ZNF467: variants seen among roughly 807,000 people sequenced by gnomAD.
ZNF467 encodes the protein zinc finger protein EZI.
ZNF467 carries 51 observed loss-of-function variants against 47.8 expected under a neutral mutation model. The ratio of observed to expected loss-of-function variants is 1.07; its 90% CI spans 0.85 to 1.35. ZNF467 has a LOEUF of 1.35. Ranked by LOEUF, ZNF467 falls within the 40% of genes most tolerant of loss-of-function variation. The pLI, the probability that ZNF467 is intolerant of heterozygous loss-of-function variation, is 0.00. For missense variants in ZNF467, 992 were observed against 858.1 expected (o/e 1.16, Z -1.95); for synonymous variants, 416 against 372.9 (o/e 1.12, Z -1.33).
In ZNF467 at chr7:149,770,565, G is replaced by C. The variant is rs1452494542; in HGVS notation, c.35-9C>G. 1.2e-6 allele frequency: 2 copies of C among 1,608,508 alleles called. No individual in the cohort carries two copies. Reference sequence around the variant, plus strand: ...CTGTCCCACAGAGAATCCTGTTACAGGCAGAAGGATGGGTCCAAGTAAAGC... The same window carrying C: ...CTGTCCCACAGAGAATCCTGTTACACGCAGAAGGATGGGTCCAAGTAAAGC... On this transcript the variant is annotated splice_polypyrimidine_tract_variant and intron_variant, in intron 2 of 4. Transcript: ENST00000302017.
intron 4 of ZNF467, among the ~76,000 whole-genome samples, chr7:149,768,133 A>G (rs1585951007): frequency 6.6e-6 from 1 of 152,178 alleles, no homozygotes; most frequent in Non-Finnish European, 1.5e-5. Context: ...CTCCTATAGC[A>G]CTTACTGTTA....
chr7:149,765,011 G>C lies in ZNF467; in HGVS notation c.1491C>G (p.Ser497Arg). The C allele has an allele frequency of 1.9e-6, 3 of 1,582,420 alleles. No homozygotes were observed. The highest frequency in any genetic ancestry group is 2.6e-6 in the Non-Finnish European group (3 of 1,170,040). The change falls in exon 5 of 5, where the codon AGC becomes AGG. Residue 497 changes from serine (S) to arginine (R), a missense_variant. Ser to Arg is a moderately radical substitution (Grantham distance 110). Transcript: ENST00000302017. ...GGTGGCGGCCCAGGTGCGACTTGCGGCTGAAGCGGCGGCCGCACTGAGCGC... is the reference window on the plus strand; with the variant it reads ...GGTGGCGGCCCAGGTGCGACTTGCGCCTGAAGCGGCGGCCGCACTGAGCGC... ...FACAQCGRRF[S>R]RKSHLGRHQA...
Position 149,765,387 on chromosome 7 carries a change from G to C in ZNF467, c.1115C>G (p.Thr372Arg), listed in dbSNP as rs1799152219. The C allele has an allele frequency of 1.9e-6, 3 of 1,566,980 alleles. No homozygotes were observed. Among genetic ancestry groups the C allele is most frequent in the African/African-American group, 2.7e-5 (2 of 74,036 alleles). ...CTCGCTGCGGTGCAGACACTGGTGC[G>C]TGGCGAGGTTCTTTTTCCAGCCGAA... ...LSFGWKKNLA[T>R]HQCLHRSEGR... is the part of the protein sequence containing the mutation. Residue 372 changes from threonine to arginine, a missense_variant, in exon 5 of 5, where the codon ACG (threonine) becomes AGG (arginine). Physicochemically the swap from Thr to Arg is moderately conservative, Grantham distance 71 (BLOSUM62 -1). Coordinates refer to ENST00000302017, the MANE Select transcript of ZNF467 (RefSeq NM_207336.3).
At position 149,765,282 on chromosome 7, in the gene ZNF467, G is replaced by A. The variant is rs1438300274; in HGVS notation, c.1220C>T (p.Pro407Leu). The change falls in exon 5 of 5, where the codon CCT (proline) becomes CTT (leucine). Residue 407 changes from proline (P) to leucine (L), a missense_variant. Coordinates refer to ENST00000302017, the MANE Select transcript of ZNF467 (RefSeq NM_207336.3). ...APAAKPLASA[P>L]GGPGCGPGSD... ...TCCTGGGCCGCAGCCCGGTCCGCCA[G>A]GCGCGCTGGCCAGGGGCTTGGCGGC... is the stretch of plus-strand genomic sequence containing the variant. The A allele has an allele frequency of 2.1e-5, 31 of 1,461,678 alleles. No homozygotes were observed. Among genetic ancestry groups the A allele is most frequent in the Non-Finnish European group, 2.6e-5 (29 of 1,106,458 alleles). The allele number at this position is 1,461,678 out of a possible 1,614,324, so 90.5% of individuals were successfully genotyped here.
Position 149,766,132 on chromosome 7 carries a change from C to A in ZNF467, c.370G>T (p.Ala124Ser). The A allele has an allele frequency of 6.2e-7, 1 of 1,604,258 alleles. No homozygotes were observed. Among genetic ancestry groups the A allele is most frequent in the Non-Finnish European group, 8.5e-7 (1 of 1,173,602 alleles). ...GCAGCCAGATGCCCCAGGTCAGGCG[C>A]GGGAAAGGGGCTGGGAAGTAACGAT... ...HLSLLPSPFP[A>S]PDLGHLAAAY... Residue 124 changes from alanine to serine, a missense_variant, in exon 5 of 5, where the codon GCG becomes TCG. Ala to Ser is a moderately conservative substitution (Grantham distance 99). Coordinates refer to ENST00000302017, the MANE Select transcript of ZNF467 (RefSeq NM_207336.3).
In ZNF467 at chr7:149,764,689, G is replaced by A. The variant is rs566991532; in HGVS notation, c.*25C>T. 2.2e-4 allele frequency: 347 copies of A among 1,582,902 alleles called. 4 individuals carry two copies. In the South Asian group the frequency reaches 2.6e-3, roughly 12 times the overall value. On this transcript the variant is annotated 3_prime_UTR_variant, in exon 5 of 5. Coordinates refer to ENST00000302017, the MANE Select transcript of ZNF467 (RefSeq NM_207336.3). ...ACGGGCCTCTCGAAACTGTGGGCAA[G>A]AAAGGGTCCTCGTGAGAACTAGGCT...
At position 149,765,983 on chromosome 7, in the gene ZNF467, C is replaced by T. The variant is rs1165033226; in HGVS notation, c.519G>A (p.Leu173=). The T allele has an allele frequency of 6.4e-7, 1 of 1,556,254 alleles. No homozygotes were observed. Residue 173 remains leucine (L), a synonymous_variant, in exon 5 of 5, where the codon CTG becomes CTA. Transcript: ENST00000302017. ...GECERRFRDQ[L]TLRLHQRLHR... is the part of the protein sequence containing the mutation. ...GCAGCCGCTGGTGCAGTCGCAACGT[C>T]AGCTGGTCCCGGAAGCGCCGCTCAC...
chr7:149,766,076 C>T lies in ZNF467; in HGVS notation c.426G>A (p.Gly142=), dbSNP rs1799209009. 11 of 1,609,810 alleles carry T rather than the reference C, an allele frequency of 6.8e-6. No individual in the cohort carries two copies. The highest frequency in any genetic ancestry group is 2.2e-5 in the East Asian group (1 of 44,790). The change falls in exon 5 of 5, where the codon GGG becomes GGA. Residue 142 remains glycine (G), a synonymous_variant. Coordinates refer to ENST00000302017, the MANE Select transcript of ZNF467 (RefSeq NM_207336.3). ...CAGACAGCGCGAGCCCACTCAGTGC[C>T]CCCGGGGCCCCTGGCTCCAGTTTGT... is the stretch of plus-strand genomic sequence containing the variant. ...AAYKLEPGAP[G]ALSGLALSGW... is the part of the protein sequence containing the mutation.
Position 149,764,303 on chromosome 7 carries a change from G to GGC in ZNF467, c.*410_*411insGC. 2 of 505,042 alleles carry GGC rather than the reference G, an allele frequency of 4.0e-6. No homozygotes were observed. Among genetic ancestry groups the GGC allele is most frequent in the South Asian group, 6.4e-5 (2 of 31,158 alleles). 31.3% of individuals were successfully genotyped at this position (505,042 alleles called of 1,614,324 possible). A position where few individuals can be genotyped will look rare whatever the true frequency, so the allele number is the denominator to read the frequency against. ...GGTGGTCTGTGTGTGGATGGAGGTG[G>GGC]GACAGTGGCTAAGGAGAGTCAGGTG... On this transcript the variant is annotated 3_prime_UTR_variant, in exon 5 of 5. Coordinates refer to ENST00000302017, the MANE Select transcript of ZNF467 (RefSeq NM_207336.3).
Position 149,765,172 on chromosome 7 carries a change from G to T in ZNF467, c.1330C>A (p.Gln444Lys). 6.6e-7 allele frequency: 1 copy of T among 1,504,544 alleles called. No individual in the cohort carries two copies. Among genetic ancestry groups the T allele is most frequent in the Non-Finnish European group, 8.8e-7 (1 of 1,131,018 alleles). 93.2% of individuals were successfully genotyped at this position (1,504,544 alleles called of 1,614,324 possible). The change falls in exon 5 of 5, where the codon CAG (glutamine) becomes AAG (lysine). Residue 444 changes from glutamine to lysine, a missense_variant. Coordinates refer to ENST00000302017, the MANE Select transcript of ZNF467 (RefSeq NM_207336.3). ...PDCGRGFSHG[Q>K]HLARHPRVHT... ...ACGCGCGGGTGCCGCGCCAGGTGCT[G>T]CCCATGGGAGAAGCCGCGCCCGCAG...
In ZNF467 at chr7:149,770,622, G is replaced by A. The variant is rs1799373352; in HGVS notation, c.35-66C>T. 3.6e-6 allele frequency: 5 copies of A among 1,397,140 alleles called. No individual in the cohort carries two copies. The African/African-American group carries it at 4.3e-5, about 12-fold the overall frequency. The allele number at this position is 1,397,140 out of a possible 1,614,324, so 86.5% of individuals were successfully genotyped here. A position where few individuals can be genotyped will look rare whatever the true frequency, so the allele number is the denominator to read the frequency against. The stretch of plus-strand genomic sequence containing the variant: ...TACAGAACAAGTAATCAGAGGCGGG[G>A]GCTGTTCCCCTTCCCAGCCTGCCCA... On this transcript the variant is annotated intron_variant, in intron 2 of 4. Transcript: ENST00000302017.
Position 149,769,131 on chromosome 7 carries a change from G to A in ZNF467, c.221C>T (p.Ala74Val), listed in dbSNP as rs770124911. 61 of 1,560,724 alleles carry A rather than the reference G, an allele frequency of 3.9e-5. No individual in the cohort carries two copies. Among genetic ancestry groups the A allele is most frequent in the East Asian group, 9.6e-5 (4 of 41,692 alleles). ...AGGCTGAGCCTTCTGTGCTGAGCAC[G>A]CCTGGCCTCTGCAGGGAGCCTCGGC... The part of the protein sequence containing the change: ...EQAEAPCRGQ[A>V]CSAQKAQPVG... The change falls in exon 4 of 5, where the codon GCG (alanine) becomes GTG (valine). Residue 74 changes from alanine to valine, a missense_variant. Physicochemically the swap from Ala to Val is moderately conservative, Grantham distance 64 (BLOSUM62 0). Coordinates refer to ENST00000302017, the MANE Select transcript of ZNF467 (RefSeq NM_207336.3). This position sits in a 1 kb window ranked among gnomAD's most constrained non-coding sequence, Gnocchi z 5.3.
Position 149,765,642 on chromosome 7 carries a change from A to G in ZNF467, c.860T>C (p.Leu287Ser), listed in dbSNP as rs753893350. 1.2e-6 allele frequency: 2 copies of G among 1,610,546 alleles called. No individual in the cohort carries two copies. The highest frequency in any genetic ancestry group is 1.1e-5 in the South Asian group (1 of 90,534). Residue 287 changes from leucine to serine, a missense_variant, in exon 5 of 5, where the codon TTG becomes TCG. Physicochemically the swap from Leu to Ser is moderately radical, Grantham distance 145. Coordinates refer to ENST00000302017, the MANE Select transcript of ZNF467 (RefSeq NM_207336.3). ...CGTATGGATGCGCTGGTGCCGAATC[A>G]AGTGCGTCTTCTTGCGAAAGCGCTT... ...CEKRFRKKTH[L>S]IRHQRIHTGE...
chr7:149,765,202 G>T lies in ZNF467; in HGVS notation c.1300C>A (p.Pro434Thr). Residue 434 changes from proline to threonine, a missense_variant, in exon 5 of 5, where the codon CCG becomes ACG. Pro to Thr is a conservative substitution (Grantham distance 38, BLOSUM62 -1). Transcript: ENST00000302017. ...APSGERSFFC[P>T]DCGRGFSHGQ... The stretch of plus-strand genomic sequence containing the variant: ...TGGGAGAAGCCGCGCCCGCAGTCCG[G>T]GCAGAAGAAGGACCGCTCGCCCGAG... The T allele has an allele frequency of 6.6e-7, 1 of 1,506,188 alleles. No individual in the cohort carries two copies. The highest frequency in any genetic ancestry group is 2.2e-5 in the Admixed American group (1 of 45,924). 93.3% of individuals were successfully genotyped at this position (1,506,188 alleles called of 1,614,324 possible).
upstream of ZNF467, among the ~76,000 whole-genome samples, chr7:149,775,316 G>A (rs1387161366): frequency 1.3e-5 from 2 of 152,078 alleles, no homozygotes; most frequent in Non-Finnish European, 2.9e-5. Context: ...TGTTGCCCAC[G>A]CATCTCCACA....
chr7:149,772,763 T>C, intron 1 of ZNF467, among the ~76,000 whole-genome samples: 1 of 126,580 alleles, frequency 7.9e-6, no homozygotes, highest in Non-Finnish European at 1.7e-5. Context: ...GCCCGCTTCT[T>C]CCTCCCCTTC....
At chr7:149,771,280 TTC>T (rs1401138736) in intron 1 of ZNF467, among the ~76,000 whole-genome samples, 1 of 152,126 alleles carries the variant, frequency 6.6e-6, no homozygotes, top group African/African-American at 2.4e-5. Flanking sequence ...TTGAAACGAT[TTC>T]TGTCAGCTCT....
intron 4 of ZNF467, among the ~76,000 whole-genome samples, chr7:149,767,934 G>A (rs112624533): frequency 0.018 from 2,783 of 152,178 alleles, 34 homozygotes; most frequent in Middle Eastern, 0.041. Flanking sequence ...CTTTCTCCCA[G>A]GCATGGACCT....
In ZNF467 at chr7:149,766,190, C is replaced by G; in HGVS notation, c.312G>C (p.Glu104Asp). Residue 104 changes from glutamate to aspartate, a missense_variant, in exon 5 of 5, where the codon GAG becomes GAC. Physicochemically the swap from Glu to Asp is conservative, Grantham distance 45. Transcript: ENST00000302017. ...GGGGCCATTCGACCTCCTCTTCTGC[C>G]TCCTGATCTTCGTCCTCCACCTTCA... ...RKVKVEDEDQEAEEEVEWPQH... is the reference protein window; with the variant it reads ...RKVKVEDEDQDAEEEVEWPQH... 1 of 1,545,256 alleles carries G rather than the reference C, an allele frequency of 6.5e-7. No homozygotes were observed.
Sources: gnomAD v4.1 joint callset for allele counts (sites outside exome capture counted in the v4.1 genomes callset) on GRCh38, gnomAD v4.1.1 for gene constraint, Gnocchi (gnomAD v3.1) non-coding constraint, MANE v1.5 for transcripts, NCBI Gene and HGNC (gene_info 2026-07-23, HGNC 2026-07-21) for gene names.